Variants in DOCK6 observed in about 807,000 individuals in gnomAD.
DOCK6 encodes the protein dedicator of cytokinesis 6.
Under a neutral mutation model 230.3 loss-of-function variants are expected in DOCK6, and 167 were observed. The observed-to-expected ratio is 0.73, with a 90% CI of 0.64 to 0.82. The LOEUF (loss-of-function observed/expected upper bound fraction) is 0.82. DOCK6 is among the 40% of genes least tolerant of loss of function. The pLI, the probability that DOCK6 is intolerant of heterozygous loss-of-function variation, is 0.00. For missense variants in DOCK6, 2,598 were observed against 2,825.8 expected, an observed-to-expected ratio of 0.92 and a Z score of 1.83; for synonymous variants, 1,148 against 1,185.0, an observed-to-expected ratio of 0.97 and a Z score of 0.64.
intron 21 of DOCK6, among the ~76,000 whole-genome samples, chr19:11,235,065 C>T (rs1280496214): frequency 6.6e-6 from 1 of 152,114 alleles, no homozygotes; most frequent in East Asian, 1.9e-4. Flanking sequence ...GCCTCAGCCT[C>T]CTGAGTAGCT....
In DOCK6 at chr19:11,201,135, G is replaced by A. The variant is rs968718423; in HGVS notation, c.5689-83C>T. The A allele has an allele frequency of 9.2e-6, 14 of 1,526,830 alleles. No homozygotes were observed. The highest frequency in any genetic ancestry group is 4.7e-5 in the East Asian group (2 of 42,472). 94.6% of individuals were successfully genotyped at this position (1,526,830 alleles called of 1,614,324 possible). ...GCCAGTCGGGGGCAGCTCAGACCCCGCTGGGAGTGAGAGGGGTCCAAGAAC... is the reference window on the plus strand; with the variant it reads ...GCCAGTCGGGGGCAGCTCAGACCCCACTGGGAGTGAGAGGGGTCCAAGAAC... On this transcript the variant is annotated intron_variant, in intron 44 of 47. Transcript: ENST00000294618. This position sits in a 1 kb window ranked among gnomAD's most constrained non-coding sequence, Gnocchi z 4.3.
chr19:11,250,912 G>T lies in DOCK6; in HGVS notation c.682C>A (p.Pro228Thr), dbSNP rs2080107154. The T allele has an allele frequency of 1.2e-6, 2 of 1,605,996 alleles. No homozygotes were observed. Among genetic ancestry groups the T allele is most frequent in the Non-Finnish European group, 1.7e-6 (2 of 1,173,740 alleles). ...RNETLRRQHR[P>T]PALLTLYPAP... ...GGGTAGAGGGTGAGCAGGGCCGGGG[G>T]CCGGTGCTGCCGTCGAAGGGTTTCA... is the stretch of plus-strand genomic sequence containing the variant. The change falls in exon 6 of 48, where the codon CCC becomes ACC. Residue 228 changes from proline to threonine, a missense_variant. Pro to Thr is a conservative substitution (Grantham distance 38). Coordinates refer to ENST00000294618, the MANE Select transcript of DOCK6 (RefSeq NM_020812.4).
intron 7 of DOCK6, 142 bp from the exon 8 acceptor site, chr19:11,246,020 G>A (rs2080027687): frequency 3.2e-6 from 3 of 944,672 alleles, no homozygotes; most frequent in South Asian, 1.7e-5. Context: ...TGCAGAAAAG[G>A]TACATCTCAT....
chr19:11,245,679 C>G lies in DOCK6; in HGVS notation c.907G>C (p.Asp303His). The part of the protein sequence containing the change: ...SENFYFDLNS[D>H]SMKGLLRAHG... Reference sequence around the variant, plus strand: ...GCCCGAAGCAGCCCCTTCATGGAGTCCGAGTTCAGGTCGAAGTAGAAGTTC... The same window carrying G: ...GCCCGAAGCAGCCCCTTCATGGAGTGCGAGTTCAGGTCGAAGTAGAAGTTC... The change falls in exon 9 of 48, where the codon GAC becomes CAC. Residue 303 changes from aspartate to histidine, a missense_variant. Transcript: ENST00000294618. The G allele has an allele frequency of 6.2e-7, 1 of 1,608,086 alleles. No homozygotes were observed. Among genetic ancestry groups the G allele is most frequent in the Non-Finnish European group, 8.5e-7 (1 of 1,176,752 alleles).
intron 39 of DOCK6, among the ~76,000 whole-genome samples, chr19:11,207,544 C>G (rs546522323): frequency 5.8e-4 from 89 of 152,224 alleles, no homozygotes; most frequent in African/African-American, 2.1e-3. Flanking sequence ...GGTGTCCCAG[C>G]TACTTGGGAG....
At chr19:11,248,505 G>C (rs1336243864) in intron 6 of DOCK6, among the ~76,000 whole-genome samples, 1 of 151,830 alleles carries the variant, frequency 6.6e-6, no homozygotes, top group African/African-American at 2.4e-5. Flanking sequence ...CTGCCTCCCA[G>C]GTTCAAGTGA....
rs760454261 is a variant in DOCK6, at chr19:11,252,217, C to A, written c.409G>T (p.Val137Phe). 2.5e-6 allele frequency: 4 copies of A among 1,583,236 alleles called. No homozygotes were observed. The highest frequency in any genetic ancestry group is 3.4e-6 in the Non-Finnish European group (4 of 1,164,788). Residue 137 changes from valine (V) to phenylalanine (F), a missense_variant, in exon 5 of 48, where the codon GTC becomes TTC. Val to Phe is a conservative substitution (Grantham distance 50). Transcript: ENST00000294618. ...YQYLSAAYSP[V>F]TTDTQRERQK... Reference sequence around the variant, plus strand: ...CGCTCCCGCTGTGTGTCTGTGGTGACGGGGCTGTATGCTGCACTCAGGTAC... The same window carrying A: ...CGCTCCCGCTGTGTGTCTGTGGTGAAGGGGCTGTATGCTGCACTCAGGTAC...
intron 1 of DOCK6, among the ~76,000 whole-genome samples, chr19:11,261,822 G>T (rs1330525271): frequency 6.7e-6 from 1 of 150,196 alleles, no homozygotes; most frequent in Admixed American, 6.7e-5. Flanking sequence ...AGGTGGGGGG[G>T]CGTCCACAGC....
intron 41 of DOCK6, chr19:11,203,716 C>A: frequency 2.8e-6 from 1 of 353,932 alleles, no homozygotes. Context: ...AGTGAGATAC[C>A]AAGATAGGGA....
intron 39 of DOCK6, among the ~76,000 whole-genome samples, chr19:11,205,473 G>T (rs1004214375): frequency 6.6e-6 from 1 of 151,996 alleles, no homozygotes; most frequent in African/African-American, 2.4e-5. Flanking sequence ...CTACTTAATA[G>T]CTGGGATTAC....
rs1369094391 is a variant in DOCK6 at position 11,200,950 on chromosome 19, G to A, written c.5791C>T (p.Gln1931Ter). 1 of 1,613,978 alleles carries A rather than the reference G, an allele frequency of 6.2e-7. No individual in the cohort carries two copies. The highest frequency in any genetic ancestry group is 1.3e-5 in the African/African-American group (1 of 75,052). ...CCTACAGAGCCCTGAAGCACCATCT[G>A]TAGCATCTTAGCATCTGGTGGGTCC... ...EQDPPDAKMLQMVLQGSVGPT... is the reference protein window; with the variant it reads ...EQDPPDAKML Residue 1931 changes from glutamine (Q) to a stop codon, truncating the protein, a stop_gained, in exon 45 of 48, where the codon CAG (glutamine) becomes TAG (stop). Transcript: ENST00000294618. LOFTEE classifies it high-confidence loss of function. This position sits in a 1 kb window ranked among gnomAD's most constrained non-coding sequence, Gnocchi z 4.3.
intron 22 of DOCK6, among the ~76,000 whole-genome samples, chr19:11,229,903 G>T (rs2079736075): frequency 6.6e-6 from 1 of 151,908 alleles, no homozygotes; most frequent in Admixed American, 6.6e-5. Flanking sequence ...ATATGGCTGG[G>T]CCTGGTGGCG....
chr19:11,204,300 T>C lies in DOCK6; in HGVS notation c.5120A>G (p.Tyr1707Cys), dbSNP rs778708844. Reference protein sequence around the residue: ...GGLYEAVNEVYKNLIPILEAH... With the variant: ...GGLYEAVNEVCKNLIPILEAH... The stretch of plus-strand genomic sequence containing the variant: ...TTCCAGGATGGGGATGAGGTTCTTG[T>C]AGACCTCATTCACCGCCTCGTAGAG... The change falls in exon 40 of 48, where the codon TAC (tyrosine) becomes TGC (cysteine). Residue 1707 changes from tyrosine (Y) to cysteine (C), a missense_variant. Physicochemically the swap from Tyr to Cys is radical, Grantham distance 194. Coordinates refer to ENST00000294618, the MANE Select transcript of DOCK6 (RefSeq NM_020812.4). The C allele has an allele frequency of 1.9e-6, 3 of 1,610,838 alleles. No homozygotes were observed. Among genetic ancestry groups the C allele is most frequent in the African/African-American group, 1.3e-5 (1 of 74,844 alleles).
intron 1 of DOCK6, among the ~76,000 whole-genome samples, chr19:11,254,440 T>C (rs1291048307): frequency 6.6e-6 from 1 of 151,756 alleles, no homozygotes; most frequent in Non-Finnish European, 1.5e-5. Context: ...ACACCTATAA[T>C]CCCAGCACTT....
At chr19:11,235,325 T>C (rs1333825855) in intron 21 of DOCK6, among the ~76,000 whole-genome samples, 1 of 152,114 alleles carries the variant, frequency 6.6e-6, no homozygotes, top group Non-Finnish European at 1.5e-5. Context: ...CAGGCTGGTC[T>C]TGAACTCCTG....
intron 20 of DOCK6, chr19:11,235,994 C>A (rs573185235): frequency 1.2e-5 from 6 of 517,424 alleles, no homozygotes; most frequent in African/African-American, 9.7e-5. Context: ...AATTCTCCTG[C>A]CTCAGCCTCC....
At chr19:11,223,789 G>C (rs1325009841) in intron 24 of DOCK6, among the ~76,000 whole-genome samples, 1 of 152,098 alleles carries the variant, frequency 6.6e-6, no homozygotes, top group South Asian at 2.1e-4. Context: ...TTGGATTACA[G>C]ACACCCACCA....
intron 14 of DOCK6, chr19:11,239,538 C>A (rs899464934): frequency 9.0e-5 from 128 of 1,424,180 alleles, no homozygotes; most frequent in Non-Finnish European, 1.2e-4. Context: ...CAATGCGGGG[C>A]ACCAGGTCGG....
Position 11,208,751 on chromosome 19 carries a change from C to T in DOCK6, c.5023G>A (p.Gly1675Arg), listed in dbSNP as rs775978671. 2.9e-5 allele frequency: 46 copies of T among 1,613,606 alleles called. No individual in the cohort carries two copies. Among genetic ancestry groups the T allele is most frequent in the East Asian group, 4.5e-5 (2 of 44,888 alleles). The part of the protein sequence containing the change: ...LSPDEEGFCS[G>R]KHFTELGLVG... ...AGCCCCAGCTCAGTGAAGTGCTTCC[C>T]GGAGCAGAAGCCCTCCTCGTCGGGC... Residue 1675 changes from glycine (G) to arginine (R), a missense_variant, in exon 39 of 48, where the codon GGG becomes AGG. By Grantham distance (125) the Gly-to-Arg change is moderately radical. Coordinates refer to ENST00000294618, the MANE Select transcript of DOCK6 (RefSeq NM_020812.4).
Sources: allele counts gnomAD v4.1 joint callset (sites outside exome capture counted in the v4.1 genomes callset), GRCh38; gene constraint gnomAD v4.1.1; non-coding constraint Gnocchi (gnomAD v3.1); transcripts MANE v1.5; gene names NCBI Gene and HGNC (gene_info 2026-07-23, HGNC 2026-07-21).